The following RABGEF1 variants were observed in gnomAD, a reference collection of about 807,000 sequenced individuals.
RABGEF1 encodes RAB guanine nucleotide exchange factor 1.
A neutral mutation model predicts 57.3 loss-of-function variants in RABGEF1; 26 were observed. That is an observed-to-expected ratio of 0.45 (90% confidence interval 0.33 to 0.63). The LOEUF (loss-of-function observed/expected upper bound fraction) is 0.63, where lower values mean the gene tolerates loss of function less well. RABGEF1 is among the 20% of genes least tolerant of loss of function. RABGEF1 has a pLI of 0.02. For missense variants in RABGEF1, 464 were observed against 607.6 expected, an observed-to-expected ratio of 0.76 and a Z score of 2.48; for synonymous variants, 185 against 210.7, an observed-to-expected ratio of 0.88 and a Z score of 1.06.
upstream of RABGEF1, among the ~76,000 whole-genome samples, chr7:66,739,553 T>C (rs1477419958): frequency 1.3e-5 from 2 of 149,724 alleles, no homozygotes; most frequent in East Asian, 4.0e-4. Flanking sequence ...TTCCAGCTAC[T>C]TGGGTGGCTG....
chr7:66,789,347 G>A (rs975955771), intron 4 of RABGEF1, among the ~76,000 whole-genome samples: 1 of 152,136 alleles, frequency 6.6e-6, no homozygotes, highest in Non-Finnish European at 1.5e-5. Context: ...ATAGCTCTGA[G>A]CTCTCAGCAT....
At chr7:66,761,803 C>T (rs969631215) in intron 1 of RABGEF1, among the ~76,000 whole-genome samples, 1 of 152,144 alleles carries the variant, frequency 6.6e-6, no homozygotes. Context: ...TGTAATCCCG[C>T]ACTTTGGGAG....
intron 2 of RABGEF1, among the ~76,000 whole-genome samples, chr7:66,735,192 C>G (rs1797808002): frequency 6.6e-6 from 1 of 152,096 alleles, no homozygotes; most frequent in Non-Finnish European, 1.5e-5. Flanking sequence ...CCCCATTTCC[C>G]ATTGTTGTGT....
At chr7:66,712,661 A>G (rs1794904989) in intron 2 of RABGEF1, among the ~76,000 whole-genome samples, 1 of 152,050 alleles carries the variant, frequency 6.6e-6, no homozygotes, top group African/African-American at 2.4e-5. Context: ...TGGTAGAGAC[A>G]GGGTTTCACC....
At chr7:66,751,165 G>T (rs1325426837) in intron 1 of RABGEF1, among the ~76,000 whole-genome samples, 1 of 151,966 alleles carries the variant, frequency 6.6e-6, no homozygotes, top group Non-Finnish European at 1.5e-5. Flanking sequence ...TGAGTAGCTG[G>T]AATTACAGAC....
chr7:66,695,292 G>A (rs2659909), intron 1 of RABGEF1, among the ~76,000 whole-genome samples: 82,281 of 151,634 alleles, frequency 0.54, 22,589 homozygotes, highest in East Asian at 0.74. Context: ...AGCCTGAGCA[G>A]CAGAGCGAGA....
intron 1 of RABGEF1, among the ~76,000 whole-genome samples, chr7:66,686,976 C>T (rs376999646): frequency 6.6e-6 from 1 of 151,708 alleles, no homozygotes; most frequent in East Asian, 1.9e-4. Context: ...CACCCACCAC[C>T]ACGCCTGGCA....
upstream of RABGEF1, among the ~76,000 whole-genome samples, chr7:66,736,540 A>C (rs1797963149): frequency 6.6e-6 from 1 of 152,142 alleles, no homozygotes; most frequent in Non-Finnish European, 1.5e-5. Flanking sequence ...TGAGCTCTAG[A>C]GCAGTGATAA....
intron 2 of RABGEF1, among the ~76,000 whole-genome samples, chr7:66,773,144 AG>A (rs755579657): frequency 1.3e-5 from 2 of 149,730 alleles, no homozygotes; most frequent in Non-Finnish European, 3.0e-5. Context: ...TGTCATTTGT[AG>A]TGAACTCAGA....
chr7:66,709,822 T>A (rs1406178982), intron 1 of RABGEF1, among the ~76,000 whole-genome samples: 3 of 152,054 alleles, frequency 2.0e-5, no homozygotes, highest in African/African-American at 7.2e-5. Flanking sequence ...TTAAATCAGG[T>A]CATTGATTTT....
At chr7:66,752,611 C>T (rs746887716) in intron 1 of RABGEF1, among the ~76,000 whole-genome samples, 2 of 152,080 alleles carry the variant, frequency 1.3e-5, no homozygotes, top group African/African-American at 4.8e-5. Flanking sequence ...TGGACATTTT[C>T]GTAATTGTGG....
chr7:66,753,350 T>C (rs551846668), intron 1 of RABGEF1, among the ~76,000 whole-genome samples: 2 of 152,338 alleles, frequency 1.3e-5, no homozygotes, highest in African/African-American at 2.4e-5. Flanking sequence ...CAGAGTTCGA[T>C]GTAAATTTGT....
the RABGEF1 span, among the ~76,000 whole-genome samples, chr7:66,672,709 GA>G: frequency 6.6e-6 from 1 of 152,022 alleles, no homozygotes; most frequent in Non-Finnish European, 1.5e-5. Context: ...CCAGGAGGCA[GA>G]AACTCTCCAA....
the RABGEF1 span, among the ~76,000 whole-genome samples, chr7:66,668,492 G>T: frequency 6.6e-6 from 1 of 152,174 alleles, no homozygotes; most frequent in Non-Finnish European, 1.5e-5. Context: ...CAGGTGCAGG[G>T]GTGTCCCCAG....
At chr7:66,677,793 G>A (rs1268599496), upstream of RABGEF1, among the ~76,000 whole-genome samples, 1 of 149,490 alleles carries the variant, frequency 6.7e-6, no homozygotes, top group Non-Finnish European at 1.5e-5. Flanking sequence ...AATCTACAAA[G>A]GAATGCCGGG....
At chr7:66,704,598 C>A (rs2117294167) in intron 1 of RABGEF1, among the ~76,000 whole-genome samples, 1 of 151,802 alleles carries the variant, frequency 6.6e-6, no homozygotes, top group South Asian at 2.1e-4. Context: ...ATCACGAGGT[C>A]AGGAGATCGA....
intron 1 of RABGEF1, chr7:66,748,998 G>A (rs1028169677): frequency 1.3e-4 from 23 of 180,350 alleles, no homozygotes; most frequent in Non-Finnish European, 9.7e-5. Context: ...CTCTTGGTAG[G>A]TGATATCAGG....
rs969730901 is a variant in RABGEF1 at position 66,809,539 on chromosome 7, A to G, written c.*255A>G. The G allele has an allele frequency of 2.0e-5, 7 of 351,402 alleles. No homozygotes were observed. The highest frequency in any genetic ancestry group is 1.3e-4 in the Admixed American group (3 of 22,584). The allele number at this position is 351,402 out of a possible 1,614,324, so 21.8% of individuals were successfully genotyped here. On this transcript the variant is annotated 3_prime_UTR_variant, in exon 9 of 9. Coordinates refer to ENST00000284957, the MANE Select transcript of RABGEF1 (RefSeq NM_014504.3). ...TTTTGTCTCAATCTTTTTTCCCTCC[A>G]TGATTTTCCTATGTGCTTCCTCTGG...
intron 8 of RABGEF1, among the ~76,000 whole-genome samples, chr7:66,808,511 G>C (rs1788966019): frequency 6.6e-6 from 1 of 152,160 alleles, no homozygotes; most frequent in Non-Finnish European, 1.5e-5. Flanking sequence ...ACCGGGCCCG[G>C]TCTGGAGCTG....
Sources: allele counts gnomAD v4.1 joint callset (sites outside exome capture counted in the v4.1 genomes callset), GRCh38; gene constraint gnomAD v4.1.1; transcripts MANE v1.5; gene names NCBI Gene and HGNC (gene_info 2026-07-23, HGNC 2026-07-21).